The following DIAPH2 variants were observed in gnomAD, a reference collection of about 807,000 sequenced individuals.
DIAPH2 encodes the protein diaphanous related formin 2, also known as protein diaphanous homolog 2.
In DIAPH2, 35 loss-of-function variants were observed where a neutral mutation model predicts 92.7. The ratio of observed to expected loss-of-function variants is 0.38; its 90% CI spans 0.29 to 0.50. The LOEUF (loss-of-function observed/expected upper bound fraction) is 0.50, where lower values mean the gene tolerates loss of function less well. Ranked by LOEUF, DIAPH2 falls within the 20% of genes least tolerant of loss-of-function variation. The pLI, the probability that DIAPH2 is intolerant of heterozygous loss-of-function variation, is 0.94. For missense variants in DIAPH2, 701 were observed against 819.5 expected (o/e 0.86, Z 1.77); for synonymous variants, 301 against 280.4 (o/e 1.07, Z -0.73).
In DIAPH2 at chrX:96,685,084, CG is replaced by C; in HGVS notation, c.29del (p.Gly10GlufsTer35). MEQPGAAASGAGGGSEEPG... is the reference protein window; with the variant it reads MEQPGAAAXGAGGGSEEPG... ...ATGGAGCAGCCCGGGGCGGCGGCGT[CG>C]GGAGCGGGAGGCGGCAGCGAGGAAC... On this transcript the variant is annotated frameshift_variant, in exon 1 of 27. Transcript: ENST00000324765. LOFTEE classifies it high-confidence loss of function. The C allele has an allele frequency of 9.9e-7, 1 of 1,007,638 alleles. No individual in the cohort carries two copies. Among genetic ancestry groups the C allele is most frequent in the Non-Finnish European group, 1.3e-6 (1 of 790,887 alleles). 83.0% of individuals were successfully genotyped at this position (1,007,638 alleles called of 1,213,427 possible).
intron 22 of DIAPH2, among the ~76,000 whole-genome samples, chrX:97,204,409 T>G (rs1192118187): frequency 8.9e-6 from 1 of 111,781 alleles, no homozygotes; most frequent in Non-Finnish European, 1.9e-5. Context: ...GACATGATTC[T>G]ATTTAGAAAA....
chrX:96,690,790 C>T (rs1423887943), intron 1 of DIAPH2, among the ~76,000 whole-genome samples: 1 of 111,964 alleles, frequency 8.9e-6, no homozygotes, highest in Non-Finnish European at 1.9e-5. Context: ...AACAAAACTT[C>T]CATTTGATAT....
intron 23 of DIAPH2, among the ~76,000 whole-genome samples, chrX:97,337,586 A>C (rs2069075284): frequency 1.8e-5 from 2 of 111,722 alleles, no homozygotes; most frequent in Admixed American, 9.6e-5. Flanking sequence ...GGGTCAATTA[A>C]ACCTCTTTCC....
intron 22 of DIAPH2, among the ~76,000 whole-genome samples, chrX:97,187,714 A>G (rs2067619750): frequency 9.0e-6 from 1 of 111,485 alleles, no homozygotes; most frequent in Non-Finnish European, 1.9e-5. Flanking sequence ...ATAATAATCA[A>G]TATAAGTAAG....
intron 17 of DIAPH2, among the ~76,000 whole-genome samples, chrX:96,991,594 A>G (rs943839772): frequency 2.1e-5 from 2 of 97,200 alleles, no homozygotes; most frequent in Non-Finnish European, 4.1e-5. Flanking sequence ...AATTGCTTCA[A>G]TATTATTTTC....
chrX:97,218,081 G>A (rs7050890), intron 22 of DIAPH2, among the ~76,000 whole-genome samples: 1 of 109,545 alleles, frequency 9.1e-6, no homozygotes, highest in African/African-American at 3.3e-5. Flanking sequence ...TGAAAATTTA[G>A]GACATGCTTT....
At chrX:96,960,667 G>A (rs1392212374) in intron 16 of DIAPH2, among the ~76,000 whole-genome samples, 1 of 111,373 alleles carries the variant, frequency 9.0e-6, no homozygotes, top group East Asian at 2.8e-4. Context: ...GAGCATCCTA[G>A]TCTTGTTCCA....
Position 96,952,106 on chromosome X carries a change from T to A in DIAPH2, c.1614+3067T>A, listed in dbSNP as rs192105884. 6.6e-3 allele frequency among the ~76,000 whole-genome samples: 738 copies of A among 112,013 alleles called. 8 individuals are homozygous for A. The highest frequency in any genetic ancestry group is 0.023 in the African/African-American group (709 of 30,888). On this transcript the variant is annotated intron_variant, in intron 15 of 26. Transcript: ENST00000324765. ...TTGCCACAATTACTTTTATCTCAGT[T>A]AAGACTATAAAATGAGACTGTTTTC...
intron 4 of DIAPH2, among the ~76,000 whole-genome samples, chrX:96,870,897 T>C (rs6523066): frequency 0.11 from 11,938 of 111,690 alleles, 577 homozygotes; most frequent in East Asian, 0.33. Context: ...TGCAAAAGTA[T>C]TATTAAACTT....
At chrX:96,768,275 A>G (rs1223429788) in intron 4 of DIAPH2, among the ~76,000 whole-genome samples, 1 of 112,172 alleles carries the variant, frequency 8.9e-6, no homozygotes, top group Non-Finnish European at 1.9e-5. Flanking sequence ...AGGTAATTTA[A>G]TAAGTTGGCA....
intron 18 of DIAPH2, among the ~76,000 whole-genome samples, chrX:97,074,251 A>G (rs906452992): frequency 6.3e-5 from 7 of 111,049 alleles, no homozygotes; most frequent in African/African-American, 2.3e-4. Context: ...TACTAAAAAT[A>G]CAAAATTAGC....
At chrX:96,876,945 ATTATT>A (rs1478206308) in intron 4 of DIAPH2, among the ~76,000 whole-genome samples, 2 of 110,528 alleles carry the variant, frequency 1.8e-5, no homozygotes, top group Admixed American at 9.7e-5. Flanking sequence ...TGCATATTAA[ATTATT>A]TTAAGTTTTA....
At chrX:97,556,502 G>C (rs1012633654) in intron 26 of DIAPH2, among the ~76,000 whole-genome samples, 1 of 111,835 alleles carries the variant, frequency 8.9e-6, no homozygotes, top group Non-Finnish European at 1.9e-5. Flanking sequence ...GGCGCTGAAG[G>C]AGAATCTGTT....
chrX:96,771,697 CG>C (rs2064340295), intron 4 of DIAPH2, among the ~76,000 whole-genome samples: 1 of 110,616 alleles, frequency 9.0e-6, no homozygotes, highest in Admixed American at 9.7e-5. Context: ...ATAGCCTTGT[CG>C]GCAGGGGAAA....
intron 25 of DIAPH2, among the ~76,000 whole-genome samples, chrX:97,386,188 A>G (rs1233004605): frequency 1.8e-5 from 2 of 112,312 alleles, no homozygotes; most frequent in African/African-American, 6.5e-5. Flanking sequence ...AAAAAAAGTA[A>G]TATTATGTAA....
At chrX:96,990,995 A>T (rs1342310823) in intron 17 of DIAPH2, among the ~76,000 whole-genome samples, 1 of 111,702 alleles carries the variant, frequency 9.0e-6, no homozygotes, top group Non-Finnish European at 1.9e-5. Context: ...GGTGGAAAAT[A>T]AATCATGATA....
intron 21 of DIAPH2, among the ~76,000 whole-genome samples, chrX:97,136,363 A>G (rs1309920391): frequency 8.9e-6 from 1 of 112,098 alleles, no homozygotes. Context: ...TGAGACATGG[A>G]GTATTCATGT....
At chrX:97,300,018 A>G (rs1243551283) in intron 23 of DIAPH2, among the ~76,000 whole-genome samples, 1 of 112,208 alleles carries the variant, frequency 8.9e-6, no homozygotes, top group East Asian at 2.8e-4. Flanking sequence ...GCTTGGTAAT[A>G]TAACAAGAAA....
At chrX:96,972,627 T>G (rs1454940287) in intron 17 of DIAPH2, among the ~76,000 whole-genome samples, 1 of 110,715 alleles carries the variant, frequency 9.0e-6, no homozygotes, top group East Asian at 2.9e-4. Context: ...CTTAGTCAAG[T>G]TGTAGTAAAT....
Sources: gnomAD v4.1 joint callset for allele counts (sites outside exome capture counted in the v4.1 genomes callset) on GRCh38, gnomAD v4.1.1 for gene constraint, MANE v1.5 for transcripts, NCBI Gene and HGNC (gene_info 2026-07-23, HGNC 2026-07-21) for gene names.